TLE2: variants seen among roughly 807,000 people sequenced by gnomAD.
TLE2 encodes the protein TLE family member 2, transcriptional corepressor.
TLE2 carries 74 observed loss-of-function variants against 97.2 expected under a neutral mutation model. The observed-to-expected ratio is 0.76, with a 90% CI of 0.63 to 0.92. The LOEUF is 0.92. Ranked by LOEUF, TLE2 falls within the 40% of genes least tolerant of loss-of-function variation. TLE2 has a pLI of 0.00. For synonymous variants in TLE2, 499 were observed against 432.1 expected, an observed-to-expected ratio of 1.15 and a Z score of -1.92; for missense variants, 1,038 against 1,008.7, an observed-to-expected ratio of 1.03 and a Z score of -0.39.
At chr19:3,032,118 G>A (rs112292499), upstream of TLE2, among the ~76,000 whole-genome samples, 55,383 of 151,720 alleles carry the variant, frequency 0.37, 10,526 homozygotes, top group Non-Finnish European at 0.41. This position sits in a 1 kb window ranked among gnomAD's most constrained non-coding sequence, Gnocchi z 4.1. Flanking sequence ...ATTATTAGTA[G>A]AGACGGATTC....
Position 3,005,497 on chromosome 19 carries a change from C to T in TLE2, c.1836G>A (p.Thr612=), listed in dbSNP as rs769973277. The part of the protein sequence containing the change: ...TRLWTGGLDN[T]VRCWDLREGR... ...CCTCCCGCAGGTCCCAGCAGCGCAC[C>T]GTGTTGTCCAGGCCCCCTGTCCAGA... Residue 612 remains threonine, a synonymous_variant, in exon 17 of 20, where the codon ACG becomes ACA. Coordinates refer to ENST00000262953, the MANE Select transcript of TLE2 (RefSeq NM_003260.5). 1.2e-6 allele frequency: 2 copies of T among 1,613,644 alleles called. No individual in the cohort carries two copies. Among genetic ancestry groups the T allele is most frequent in the Non-Finnish European group, 1.7e-6 (2 of 1,179,790 alleles).
chr19:3,017,105 G>T (rs918032742), intron 8 of TLE2, among the ~76,000 whole-genome samples: 3 of 139,996 alleles, frequency 2.1e-5, no homozygotes. Context: ...TCAGGAAACC[G>T]GGCTATGGAT....
rs780724845 is a variant in TLE2, at chr19:3,028,359, A to C, written c.146T>G (p.Leu49Arg). ...YHSLKLECEK[L>R]ASEKTEMQRH... The stretch of plus-strand genomic sequence containing the variant: ...CTGCATTTCCGTCTTCTCGCTGGCC[A>C]GCTTCTCACATTCTAGCTTGAGGCT... Residue 49 changes from leucine (L) to arginine (R), a missense_variant, in exon 3 of 20, where the codon CTG (leucine) becomes CGG (arginine). Coordinates refer to ENST00000262953, the MANE Select transcript of TLE2 (RefSeq NM_003260.5). 1 of 1,609,100 alleles carries C rather than the reference A, an allele frequency of 6.2e-7. No individual in the cohort carries two copies. The highest frequency in any genetic ancestry group is 2.2e-5 in the East Asian group (1 of 44,808).
intron 19 of TLE2, among the ~76,000 whole-genome samples, chr19:2,999,987 C>T (rs141028943): frequency 0.026 from 3,716 of 141,780 alleles, 159 homozygotes; most frequent in African/African-American, 0.09. Flanking sequence ...GAGCCGAGAT[C>T]GCAACACTGC....
chr19:3,015,743 G>A lies in TLE2; in HGVS notation c.588C>T (p.Pro196=). Residue 196 remains proline, a synonymous_variant, in exon 9 of 20, where the codon CCC becomes CCT. Coordinates refer to ENST00000262953, the MANE Select transcript of TLE2 (RefSeq NM_003260.5). Reference sequence around the variant, plus strand: ...GCTCCTCCTCCACGAGACTCTCAGGGGGCGAGGGAGATGCACTCTGCGGAG... The same window carrying A: ...GCTCCTCCTCCACGAGACTCTCAGGAGGCGAGGGAGATGCACTCTGCGGAG... The part of the protein sequence containing the change: ...RAPSRSASPS[P]PESLVEEERP... 6.2e-7 allele frequency: 1 copy of A among 1,609,574 alleles called. No homozygotes were observed. The highest frequency in any genetic ancestry group is 2.2e-5 in the East Asian group (1 of 44,712).
intron 1 of TLE2, among the ~76,000 whole-genome samples, chr19:3,036,627 T>A (rs991947829): frequency 2.6e-5 from 4 of 152,114 alleles, no homozygotes; most frequent in African/African-American, 9.7e-5. Context: ...CCCGGAAAAA[T>A]CACACACACA....
At chr19:3,006,886 G>A (rs1472822929) in intron 14 of TLE2, among the ~76,000 whole-genome samples, 1 of 152,094 alleles carries the variant, frequency 6.6e-6, no homozygotes, top group African/African-American at 2.4e-5. Flanking sequence ...GGGTTCAAGC[G>A]ATTCTCTTGC....
upstream of TLE2, among the ~76,000 whole-genome samples, chr19:3,046,839 A>ACCCCAGTCCTCTCTGCTCCCC (rs1434341909): frequency 3.3e-5 from 5 of 149,846 alleles, no homozygotes; most frequent in East Asian, 1.0e-3. Context: ...ATATGGGCCC[A>ACCCCAGTCCTCTCTGCTCCCC]CCCCAGTCCT....
intron 1 of TLE2, among the ~76,000 whole-genome samples, chr19:3,035,401 C>T (rs1317119624): frequency 6.6e-6 from 1 of 152,098 alleles, no homozygotes; most frequent in Non-Finnish European, 1.5e-5. Context: ...CCTCAGTTTC[C>T]CCAGCTGCAC....
intron 2 of TLE2, 111 bp downstream of exon 2, chr19:3,028,595 C>T: frequency 1.5e-6 from 2 of 1,313,838 alleles, no homozygotes; most frequent in Non-Finnish European, 2.1e-6. Context: ...AGGCCTTTGT[C>T]GCGCCCCCCC....
chr19:3,041,363 T>G (rs2090102048), intron 1 of TLE2, among the ~76,000 whole-genome samples: 1 of 152,094 alleles, frequency 6.6e-6, no homozygotes. Context: ...CTGGTTGATA[T>G]ACACACCATG....
rs2089686392 is a variant in TLE2, at chr19:3,015,671, C to T, written c.660G>A (p.Lys220=). The change falls in exon 9 of 20, where the codon AAG becomes AAA. Residue 220 remains lysine, a synonymous_variant. Transcript: ENST00000262953. ...CACTCACATAAGGTCCTGATGGCTC[C>T]TTCTCATCTGCTCTCTGCTTCCCGC... ...GGGGKQRADE[K]EPSGPYESDE... 3 of 1,609,932 alleles carry T rather than the reference C, an allele frequency of 1.9e-6. No homozygotes were observed. The highest frequency in any genetic ancestry group is 2.5e-6 in the Non-Finnish European group (3 of 1,178,774).
chr19:3,028,660 C>T, intron 2 of TLE2, 46 bp downstream of exon 2: 1 of 1,605,626 alleles, frequency 6.2e-7, no homozygotes, highest in Non-Finnish European at 8.5e-7. Context: ...CGCCCCGCCC[C>T]GGCGCCCAGG....
In TLE2 at chr19:3,019,260, G is replaced by A. The variant is rs781771513; in HGVS notation, c.550+23C>T. 3.8e-6 allele frequency: 6 copies of A among 1,563,298 alleles called. No homozygotes were observed. The highest frequency in any genetic ancestry group is 5.2e-6 in the Non-Finnish European group (6 of 1,162,848). On this transcript the variant is annotated intron_variant, in intron 7 of 19. Coordinates refer to ENST00000262953, the MANE Select transcript of TLE2 (RefSeq NM_003260.5). The surrounding 1 kb of genome is among the most constrained non-coding windows in gnomAD (Gnocchi z 5.1). ...CCCCAGCCCCGTCTCCCCAGCCAATGCCACCCCGTGCTGCCCACTCACCTC... is the reference window on the plus strand; with the variant it reads ...CCCCAGCCCCGTCTCCCCAGCCAATACCACCCCGTGCTGCCCACTCACCTC...
rs1410286610 is a variant in TLE2, at chr19:3,009,662, CGTG to C, written c.1050_1052del (p.Thr351del). ...TGCTGTGGGAGCCCAGGCTGAAGGA[CGTG>C]GTGAAGGGACTGGACAGAGTCAGGG... On this transcript the variant is annotated inframe_deletion, in exon 13 of 20. Coordinates refer to ENST00000262953, the MANE Select transcript of TLE2 (RefSeq NM_003260.5). 4 of 1,612,824 alleles carry C rather than the reference CGTG, an allele frequency of 2.5e-6. No homozygotes were observed.
At chr19:3,029,644 G>T (rs964905750), upstream of TLE2, 6 of 190,128 alleles carry the variant, frequency 3.2e-5, no homozygotes, top group Non-Finnish European at 5.8e-5. Flanking sequence ...GAGATTGAAG[G>T]GTCAGCAGGA....
At chr19:3,046,117 A>C (rs2090139495), upstream of TLE2, among the ~76,000 whole-genome samples, 1 of 152,222 alleles carries the variant, frequency 6.6e-6, no homozygotes, top group Non-Finnish European at 1.5e-5. Flanking sequence ...CTGAGCAGCC[A>C]GCAGGAGACT....
upstream of TLE2, among the ~76,000 whole-genome samples, chr19:3,033,327 C>T (rs2090040304): frequency 6.6e-6 from 1 of 152,104 alleles, no homozygotes; most frequent in South Asian, 2.1e-4. Context: ...ACCACCACGC[C>T]CAGCTAATTT....
intron 5 of TLE2, among the ~76,000 whole-genome samples, chr19:3,022,193 C>T (rs959886002): frequency 8.6e-5 from 13 of 151,930 alleles, no homozygotes; most frequent in Non-Finnish European, 1.9e-4. Flanking sequence ...GGATTACAGG[C>T]ACCTGCCACC....
Sources: allele counts gnomAD v4.1 joint callset (sites outside exome capture counted in the v4.1 genomes callset), GRCh38; gene constraint gnomAD v4.1.1; non-coding constraint Gnocchi (gnomAD v3.1); transcripts MANE v1.5; gene names NCBI Gene and HGNC (gene_info 2026-07-23, HGNC 2026-07-21).